The following MPP7 variants were observed in gnomAD, a reference collection of about 807,000 sequenced individuals.
MPP7 encodes MAGUK p55 scaffold protein 7.
A neutral mutation model predicts 76.5 loss-of-function variants in MPP7; 60 were observed. That is an observed-to-expected ratio of 0.78 (90% CI 0.64 to 0.97). The LOEUF (loss-of-function observed/expected upper bound fraction) is 0.97. Among genes scored for constraint, MPP7 ranks in the 50% least tolerant of loss-of-function variants. MPP7 has a pLI of 0.00. For missense variants in MPP7, 641 were observed against 694.0 expected (o/e 0.92, Z 0.86); for synonymous variants, 237 against 244.5 (o/e 0.97, Z 0.29).
intron 1 of MPP7, among the ~76,000 whole-genome samples, chr10:28,292,985 A>C (rs559997714): frequency 6.6e-6 from 1 of 152,024 alleles, no homozygotes; most frequent in Non-Finnish European, 1.5e-5. Context: ...GAAAATACAG[A>C]AACATAACTT....
chr10:28,165,948 T>C (rs1836438419), intron 3 of MPP7, among the ~76,000 whole-genome samples: 1 of 139,820 alleles, frequency 7.2e-6, no homozygotes, highest in Admixed American at 7.9e-5. Context: ...TCGCTTGAAC[T>C]CCAGAGGCAG....
intron 2 of MPP7, chr10:28,202,848 G>A (rs970234803): frequency 2.6e-5 from 4 of 151,870 alleles, no homozygotes; most frequent in African/African-American, 9.6e-5. Flanking sequence ...AAAAAGCTAC[G>A]TAGAACTTAG....
intron 11 of MPP7, among the ~76,000 whole-genome samples, chr10:28,105,855 A>G (rs528772669): frequency 1.5e-3 from 225 of 152,264 alleles, no homozygotes; most frequent in Non-Finnish European, 2.7e-3. Context: ...CCTATTTTGC[A>G]CAAACCTTTT....
chr10:28,263,239 G>A (rs11006970), intron 1 of MPP7, among the ~76,000 whole-genome samples: 22,267 of 152,076 alleles, frequency 0.15, 2,229 homozygotes, highest in East Asian at 0.52. Context: ...AATACGCTGA[G>A]TGAAAGGGCC....
At chr10:28,103,250 G>A (rs1020408025) in intron 11 of MPP7, among the ~76,000 whole-genome samples, 18 of 148,998 alleles carry the variant, frequency 1.2e-4, no homozygotes, top group African/African-American at 4.2e-4. Context: ...CTGTGCACAT[G>A]CATCCTGTCT....
At chr10:28,302,411 C>T (rs1841179103) in intron 1 of MPP7, among the ~76,000 whole-genome samples, 1 of 152,184 alleles carries the variant, frequency 6.6e-6, no homozygotes, top group Non-Finnish European at 1.5e-5. Context: ...ATGTAATTAA[C>T]ACGACCCAAG....
intron 2 of MPP7, among the ~76,000 whole-genome samples, chr10:28,324,372 G>A (rs1834392352): frequency 6.6e-6 from 1 of 152,146 alleles, no homozygotes; most frequent in South Asian, 2.1e-4. Flanking sequence ...AGCTACCCAG[G>A]CTATGATGTT....
At position 28,119,784 on chromosome 10, in the gene MPP7, T is replaced by C. The variant is rs369324086; in HGVS notation, c.888-69A>G. On this transcript the variant is annotated intron_variant, in intron 10 of 16. Coordinates refer to ENST00000683449, the MANE Select transcript of MPP7 (RefSeq NM_001318170.2). ...GTCCGAGGTGAATACAATATCAAAA[T>C]ATTTAGTCTTAAGAAAAAACTTAAA... is the stretch of plus-strand genomic sequence containing the variant. The C allele has an allele frequency of 2.4e-5, 29 of 1,230,430 alleles. 1 individual carries two copies. In the South Asian group the frequency reaches 3.6e-4, roughly 15 times the overall value. The allele number at this position is 1,230,430 out of a possible 1,614,324, so 76.2% of individuals were successfully genotyped here. A position where few individuals can be genotyped will look rare whatever the true frequency, so the allele number is the denominator to read the frequency against.
intron 1 of MPP7, among the ~76,000 whole-genome samples, chr10:28,247,335 C>G (rs1002264105): frequency 1.3e-5 from 2 of 152,054 alleles, no homozygotes; most frequent in Admixed American, 1.3e-4. Context: ...AAAATTGATT[C>G]GTTTGTAAAT....
At chr10:28,062,822 C>T (rs764578248) in intron 13 of MPP7, among the ~76,000 whole-genome samples, 2 of 152,028 alleles carry the variant, frequency 1.3e-5, no homozygotes, top group Non-Finnish European at 2.9e-5. Context: ...GGCAAGTTTG[C>T]TAAGTAACAA....
intron 1 of MPP7, among the ~76,000 whole-genome samples, chr10:28,293,604 C>A (rs139949609): frequency 6.6e-6 from 1 of 152,222 alleles, no homozygotes; most frequent in Non-Finnish European, 1.5e-5. Context: ...AGACTCTACA[C>A]GGACCAATCA....
chr10:28,104,078 G>C (rs1364749226), intron 11 of MPP7, among the ~76,000 whole-genome samples: 2 of 151,888 alleles, frequency 1.3e-5, no homozygotes, highest in African/African-American at 4.8e-5. Context: ...TTGGTATGAG[G>C]AATACAAAAA....
At chr10:28,152,213 T>TA (rs1441056303) in intron 3 of MPP7, among the ~76,000 whole-genome samples, 77 of 152,328 alleles carry the variant, frequency 5.1e-4, no homozygotes, top group Non-Finnish European at 4.4e-5. Context: ...ACCCAATTGA[T>TA]AGAGTATCCC....
intron 1 of MPP7, among the ~76,000 whole-genome samples, chr10:28,261,117 TTGTCTC>T (rs139626744): frequency 0.013 from 1,919 of 152,332 alleles, 40 homozygotes; most frequent in African/African-American, 0.044. Context: ...TTTATATACT[TTGTCTC>T]TGTAGTTCTC....
intron 11 of MPP7, among the ~76,000 whole-genome samples, chr10:28,114,360 T>C (rs1430987097): frequency 6.6e-6 from 1 of 152,082 alleles, no homozygotes; most frequent in African/African-American, 2.4e-5. Flanking sequence ...TGCAGTCAGC[T>C]ATGATGGTGC....
chr10:28,229,758 A>G lies in MPP7; in HGVS notation c.37+8810T>C, dbSNP rs980189757. ...CAAAAAATTAGCCAGGCGTGGTGGC[A>G]GGCGCCTGTAGTCCCAGCTACTCAG... On this transcript the variant is annotated intron_variant, in intron 2 of 16. Transcript: ENST00000683449. 1.2e-4 allele frequency among the ~76,000 whole-genome samples: 18 copies of G among 151,938 alleles called. No homozygotes were observed. The East Asian group carries it at 2.3e-3, about 20-fold the overall frequency.
chr10:28,096,902 A>G (rs1853595485), intron 11 of MPP7, among the ~76,000 whole-genome samples: 1 of 152,228 alleles, frequency 6.6e-6, no homozygotes, highest in East Asian at 1.9e-4. Flanking sequence ...GTTGACATAT[A>G]CATTGTATTG....
At chr10:28,322,469 A>G (rs1834376762) in intron 2 of MPP7, among the ~76,000 whole-genome samples, 2 of 152,078 alleles carry the variant, frequency 1.3e-5, no homozygotes, top group African/African-American at 4.8e-5. Context: ...CTCTCTCCCC[A>G]TCTGAAAAAC....
chr10:28,100,848 A>C (rs11006868), intron 11 of MPP7, among the ~76,000 whole-genome samples: 12,485 of 152,142 alleles, frequency 0.082, 945 homozygotes, highest in African/African-American at 0.2. Flanking sequence ...GATACCACTT[A>C]CAATTCGTTT....
Sources: allele counts gnomAD v4.1 joint callset (sites outside exome capture counted in the v4.1 genomes callset), GRCh38; gene constraint gnomAD v4.1.1; transcripts MANE v1.5; gene names NCBI Gene and HGNC (gene_info 2026-07-23, HGNC 2026-07-21).